Variants in NKAIN2 observed in about 807,000 individuals in gnomAD.
The protein encoded by NKAIN2 is sodium/potassium-transporting ATPase subunit beta-1-interacting protein 2.
In NKAIN2, 14 loss-of-function variants were observed where a neutral mutation model predicts 32.6. The ratio of observed to expected loss-of-function variants is 0.43; its 90% confidence interval spans 0.28 to 0.67. NKAIN2 has a LOEUF of 0.67. Ranked by LOEUF, NKAIN2 falls within the 30% of genes least tolerant of loss-of-function variation. The pLI, the probability that NKAIN2 is intolerant of heterozygous loss-of-function variation, is 0.17. For missense variants in NKAIN2, 198 were observed against 258.3 expected, an observed-to-expected ratio of 0.77 and a Z score of 1.60; for synonymous variants, 80 against 87.2, an observed-to-expected ratio of 0.92 and a Z score of 0.46.
intron 1 of NKAIN2, among the ~76,000 whole-genome samples, chr6:124,174,153 G>A (rs1789038734): frequency 1.3e-5 from 2 of 152,070 alleles, no homozygotes; most frequent in Admixed American, 1.3e-4. Context: ...TTTGATATGA[G>A]CGAGGTGGTA....
chr6:124,009,674 A>T (rs1393592492), intron 1 of NKAIN2, among the ~76,000 whole-genome samples: 2 of 152,126 alleles, frequency 1.3e-5, no homozygotes, highest in Non-Finnish European at 2.9e-5. Flanking sequence ...TAGTCACTTT[A>T]TGTGCAGACT....
chr6:123,916,961 T>C (rs1432347924), intron 1 of NKAIN2, among the ~76,000 whole-genome samples: 1 of 152,186 alleles, frequency 6.6e-6, no homozygotes, highest in East Asian at 1.9e-4. Context: ...CTGATGTCAA[T>C]GTCAAAAGTC....
At chr6:124,304,883 CAGCCTGGCGACAG>C (rs757987406) in intron 2 of NKAIN2, among the ~76,000 whole-genome samples, 2 of 152,050 alleles carry the variant, frequency 1.3e-5, no homozygotes, top group Non-Finnish European at 2.9e-5. Context: ...CACTGCACTC[CAGCCTGGCGACAG>C]AACAAGACTT....
In NKAIN2 at chr6:124,515,713, C is replaced by CCCT. The variant is rs1562232431; in HGVS notation, c.274-142473_274-142472insCCT. Among the ~76,000 whole-genome samples the CCCT allele has an allele frequency of 5.9e-5, 4 of 67,736 alleles. 2 individuals carry two copies. Among genetic ancestry groups the CCCT allele is most frequent in the Non-Finnish European group, 1.3e-4 (4 of 29,634 alleles). 44.4% of individuals were successfully genotyped at this position (67,736 alleles called of 152,430 possible). A position where few individuals can be genotyped will look rare whatever the true frequency, so the allele number is the denominator to read the frequency against. ...CCTACTTCATTTTTCTTCGCTTTCT[C>CCCT]TCCGTCTCGCTCTGTCGCCCAGGCT... On this transcript the variant is annotated intron_variant, in intron 3 of 6. Transcript: ENST00000368417.
intron 3 of NKAIN2, among the ~76,000 whole-genome samples, chr6:124,452,865 C>G (rs920328751): frequency 1.3e-5 from 2 of 152,094 alleles, no homozygotes; most frequent in African/African-American, 4.8e-5. Context: ...ATAGGTGAAG[C>G]ACTACCCTTT....
chr6:123,955,499 A>G (rs750830875), intron 1 of NKAIN2, among the ~76,000 whole-genome samples: 3 of 152,096 alleles, frequency 2.0e-5, no homozygotes, highest in Non-Finnish European at 2.9e-5. Flanking sequence ...TACTAAAACA[A>G]TTAGGTACAG....
At chr6:124,572,323 C>G (rs988628763) in intron 3 of NKAIN2, among the ~76,000 whole-genome samples, 5 of 152,216 alleles carry the variant, frequency 3.3e-5, no homozygotes, top group Non-Finnish European at 7.3e-5. Flanking sequence ...AGTATGTAGA[C>G]ATACCCTGCT....
intron 4 of NKAIN2, among the ~76,000 whole-genome samples, chr6:124,702,291 A>G (rs1258290248): frequency 6.6e-6 from 1 of 152,130 alleles, no homozygotes; most frequent in Non-Finnish European, 1.5e-5. Context: ...CTTATAAATC[A>G]TAAATATGAA....
intron 1 of NKAIN2, among the ~76,000 whole-genome samples, chr6:124,028,785 G>A (rs34444984): frequency 0.17 from 22,493 of 135,526 alleles, 2,193 homozygotes; most frequent in Admixed American, 0.25. Flanking sequence ...ACATATATAC[G>A]CATATACGTG....
intron 2 of NKAIN2, among the ~76,000 whole-genome samples, chr6:124,346,080 T>A (rs1319520234): frequency 2.6e-5 from 4 of 152,184 alleles, no homozygotes; most frequent in Admixed American, 6.5e-5. Flanking sequence ...TCTGCCTTCA[T>A]TTCGTTATGT....
At chr6:124,152,741 A>T (rs1055881541) in intron 1 of NKAIN2, among the ~76,000 whole-genome samples, 1 of 151,948 alleles carries the variant, frequency 6.6e-6, no homozygotes, top group Non-Finnish European at 1.5e-5. Flanking sequence ...AGTGGGCAAG[A>T]TAGGGGCTCA....
intron 3 of NKAIN2, among the ~76,000 whole-genome samples, chr6:124,552,621 T>G (rs2114870805): frequency 6.6e-6 from 1 of 152,322 alleles, no homozygotes; most frequent in Non-Finnish European, 1.5e-5. Flanking sequence ...ACAGCTAGTG[T>G]AGCCAAGCCA....
chr6:124,020,591 C>T (rs1014879634), intron 1 of NKAIN2, among the ~76,000 whole-genome samples: 3 of 152,052 alleles, frequency 2.0e-5, no homozygotes, highest in African/African-American at 4.8e-5. Flanking sequence ...AAGTAGACTA[C>T]ATCACTAAAG....
intron 4 of NKAIN2, among the ~76,000 whole-genome samples, chr6:124,771,550 G>C (rs989653983): frequency 6.6e-6 from 1 of 152,018 alleles, no homozygotes; most frequent in Non-Finnish European, 1.5e-5. Flanking sequence ...TTTTGCTGAG[G>C]GACAACAGTA....
chr6:124,537,794 G>C (rs1319543841), intron 3 of NKAIN2, among the ~76,000 whole-genome samples: 3 of 151,914 alleles, frequency 2.0e-5, no homozygotes, highest in African/African-American at 7.3e-5. Flanking sequence ...ATTTTCTTTT[G>C]TTCATATGTA....
At chr6:124,176,295 G>T (rs1037269130) in intron 1 of NKAIN2, among the ~76,000 whole-genome samples, 7 of 152,094 alleles carry the variant, frequency 4.6e-5, no homozygotes, top group African/African-American at 1.4e-4. Context: ...GTAAAAAAAT[G>T]CATTATCTGT....
At chr6:124,324,982 A>G (rs946473376) in intron 2 of NKAIN2, among the ~76,000 whole-genome samples, 1 of 152,088 alleles carries the variant, frequency 6.6e-6, no homozygotes, top group Admixed American at 6.5e-5. Context: ...TGATCATGAC[A>G]GATATTTCTA....
At chr6:124,011,808 T>G (rs903817480) in intron 1 of NKAIN2, among the ~76,000 whole-genome samples, 2 of 152,210 alleles carry the variant, frequency 1.3e-5, no homozygotes, top group African/African-American at 4.8e-5. Flanking sequence ...AGTATATTCC[T>G]GCCACGAGAC....
At chr6:124,703,620 A>C (rs1277162467) in intron 4 of NKAIN2, among the ~76,000 whole-genome samples, 1 of 152,066 alleles carries the variant, frequency 6.6e-6, no homozygotes, top group Non-Finnish European at 1.5e-5. Flanking sequence ...AAGCTCTGAC[A>C]AGTGTGTGGA....
Sources: gnomAD v4.1 joint callset for allele counts (sites outside exome capture counted in the v4.1 genomes callset) on GRCh38, gnomAD v4.1.1 for gene constraint, MANE v1.5 for transcripts, NCBI Gene and HGNC (gene_info 2026-07-23, HGNC 2026-07-21) for gene names.